Variants in AKT3 observed in about 807,000 individuals in gnomAD.
AKT3 encodes RAC-gamma serine/threonine-protein kinase.
In AKT3, 15 loss-of-function variants were observed where a neutral mutation model predicts 65.3. The observed-to-expected ratio is 0.23, with a 90% CI of 0.15 to 0.35. The LOEUF is 0.35. Ranked by LOEUF, AKT3 falls within the 10% of genes least tolerant of loss-of-function variation. The probability of loss-of-function intolerance (pLI) is 1.00; values close to 1 mark genes in which losing one functional copy is unlikely to be tolerated. For synonymous variants in AKT3, 206 were observed against 183.8 expected (o/e 1.12, Z -0.98); for missense variants, 243 against 576.5 (o/e 0.42, Z 5.92).
In AKT3 at chr1:243,642,466, C is replaced by G. The variant is rs538600663; in HGVS notation, c.429+3427G>C. Among the ~76,000 whole-genome samples the G allele has an allele frequency of 2.6e-5, 4 of 152,252 alleles. No individual in the cohort carries two copies. In the South Asian group the frequency reaches 8.3e-4, roughly 32 times the overall value. ...CTGGGACTACAGGCGCCCGCCACCA[C>G]GCCTGGTTAATTTTTTGTATTTTTA... On this transcript the variant is annotated intron_variant, in intron 5 of 13. Transcript: ENST00000673466.
At chr1:243,645,474 T>G (rs1443896721) in intron 5 of AKT3, among the ~76,000 whole-genome samples, 1 of 152,212 alleles carries the variant, frequency 6.6e-6, no homozygotes, top group Non-Finnish European at 1.5e-5. Context: ...CTGACTTTAC[T>G]ATGACTGAGG....
At chr1:243,595,828 C>A (rs1478383387) in intron 8 of AKT3, among the ~76,000 whole-genome samples, 2 of 151,962 alleles carry the variant, frequency 1.3e-5, no homozygotes, top group Non-Finnish European at 2.9e-5. Context: ...TTTACAGTTA[C>A]CTATTTTTTT....
intron 2 of AKT3, among the ~76,000 whole-genome samples, chr1:243,834,493 C>T (rs80240706): frequency 0.021 from 3,204 of 152,154 alleles, 54 homozygotes; most frequent in Middle Eastern, 0.034. Flanking sequence ...GTTTCAAGAA[C>T]ACGCTGAGGG....
intron 2 of AKT3, among the ~76,000 whole-genome samples, chr1:243,801,300 A>T (rs1457355651): frequency 1.3e-5 from 2 of 152,218 alleles, no homozygotes; most frequent in Non-Finnish European, 2.9e-5. Context: ...GTAACAAAGA[A>T]TGAAATCCTT....
At chr1:243,848,775 G>T (rs1695620728) in intron 1 of AKT3, among the ~76,000 whole-genome samples, 1 of 152,146 alleles carries the variant, frequency 6.6e-6, no homozygotes, top group Admixed American at 6.5e-5. Flanking sequence ...CTTTATTATG[G>T]CTAGAAATTA....
At position 243,807,492 on chromosome 1, in the gene AKT3, G is replaced by A. The variant is rs189138043; in HGVS notation, c.46+35633C>T. 8.5e-3 allele frequency among the ~76,000 whole-genome samples: 1,290 copies of A among 152,274 alleles called. 15 individuals carry two copies. Among genetic ancestry groups the A allele is most frequent in the African/African-American group, 0.03 (1,239 of 41,544 alleles). ...GCGGCAGCAAGGCTGAGGGAGGGGC[G>A]CCCGCCATTGCTGAGGCTTGAGTAG... is the stretch of plus-strand genomic sequence containing the variant. On this transcript the variant is annotated intron_variant, in intron 2 of 13. Coordinates refer to ENST00000673466, the MANE Select transcript of AKT3 (RefSeq NM_005465.7).
intron 3 of AKT3, among the ~76,000 whole-genome samples, chr1:243,672,488 A>G (rs1683220238): frequency 6.6e-6 from 1 of 152,216 alleles, no homozygotes; most frequent in Non-Finnish European, 1.5e-5. Flanking sequence ...AGGAGAGAAG[A>G]CAAAGTTCTT....
chr1:243,805,447 C>A (rs943524509), intron 2 of AKT3, among the ~76,000 whole-genome samples: 3 of 152,198 alleles, frequency 2.0e-5, no homozygotes, highest in Non-Finnish European at 2.9e-5. Context: ...TTTCACTTAA[C>A]CAAGCTGCTC....
intron 2 of AKT3, among the ~76,000 whole-genome samples, chr1:243,814,193 A>C (rs1693369468): frequency 6.6e-6 from 1 of 152,222 alleles, no homozygotes; most frequent in South Asian, 2.1e-4. Context: ...TATATTTTTA[A>C]ATCTTCAAAA....
intron 8 of AKT3, among the ~76,000 whole-genome samples, chr1:243,580,924 G>A (rs1675296093): frequency 6.6e-6 from 1 of 152,124 alleles, no homozygotes; most frequent in South Asian, 2.1e-4. Flanking sequence ...AGATCCCTAG[G>A]CATTCAGAGC....
chr1:243,684,448 G>A (rs2147987106), intron 3 of AKT3, among the ~76,000 whole-genome samples: 1 of 152,144 alleles, frequency 6.6e-6, no homozygotes, highest in African/African-American at 2.4e-5. Context: ...CAGAATGATG[G>A]TTTCCAGATT....
At chr1:243,829,074 CCCTG>C (rs1694345635) in intron 2 of AKT3, among the ~76,000 whole-genome samples, 1 of 152,112 alleles carries the variant, frequency 6.6e-6, no homozygotes, top group Non-Finnish European at 1.5e-5. Flanking sequence ...CCCTTCCTAT[CCCTG>C]CCTAATCTCT....
intron 3 of AKT3, among the ~76,000 whole-genome samples, chr1:243,667,287 G>A (rs181426228): frequency 2.0e-5 from 3 of 152,268 alleles, no homozygotes; most frequent in African/African-American, 7.2e-5. Flanking sequence ...GACTATGTAA[G>A]TTAAAGACAG....
intron 8 of AKT3, among the ~76,000 whole-genome samples, chr1:243,588,794 A>G (rs1675990989): frequency 6.6e-6 from 1 of 152,170 alleles, no homozygotes; most frequent in Non-Finnish European, 1.5e-5. Context: ...TCCTAGAAGA[A>G]AACATACCAA....
chr1:243,546,622 C>G (rs970855097), intron 11 of AKT3: 2 of 151,086 alleles, frequency 1.3e-5, no homozygotes, highest in Non-Finnish European at 2.9e-5. Flanking sequence ...TTCAAAGGCA[C>G]AGTAGATACC....
At chr1:243,562,915 GT>G (rs933721518) in intron 10 of AKT3, among the ~76,000 whole-genome samples, 1 of 152,144 alleles carries the variant, frequency 6.6e-6, no homozygotes, top group African/African-American at 2.4e-5. Context: ...TAAAATGGTT[GT>G]TTTCCACTGC....
intron 1 of AKT3, 21 bp downstream of exon 1, chr1:243,850,019 G>A: frequency 1.0e-6 from 1 of 986,734 alleles, no homozygotes. Context: ...GGGGGCTAGA[G>A]TTGGGGGCGG....
intron 2 of AKT3, among the ~76,000 whole-genome samples, chr1:243,772,715 C>T (rs953294805): frequency 6.6e-6 from 1 of 152,172 alleles, no homozygotes; most frequent in Admixed American, 6.5e-5. Context: ...ATAAATCATG[C>T]TGCTATAAAG....
At chr1:243,836,868 C>T (rs562898713) in intron 2 of AKT3, among the ~76,000 whole-genome samples, 20 of 148,350 alleles carry the variant, frequency 1.3e-4, no homozygotes, top group Middle Eastern at 6.8e-3. Flanking sequence ...GCTGAGACTG[C>T]GCCACTGCAC....
Sources: gnomAD v4.1 joint callset for allele counts (sites outside exome capture counted in the v4.1 genomes callset) on GRCh38, gnomAD v4.1.1 for gene constraint, MANE v1.5 for transcripts, NCBI Gene and HGNC (gene_info 2026-07-23, HGNC 2026-07-21) for gene names.